Variants in ARHGEF1 observed in about 807,000 individuals in gnomAD.
ARHGEF1 encodes 115 kDa guanine nucleotide exchange factor.
A neutral mutation model predicts 119.7 loss-of-function variants in ARHGEF1; 40 were observed. That is an observed-to-expected ratio of 0.33 (90% CI 0.26 to 0.44). The LOEUF is 0.44. Ranked by LOEUF, ARHGEF1 falls within the 20% of genes least tolerant of loss-of-function variation. The pLI is 1.00. For synonymous variants in ARHGEF1, 494 were observed against 521.0 expected, an observed-to-expected ratio of 0.95 and a Z score of 0.71; for missense variants, 976 against 1,268.3, an observed-to-expected ratio of 0.77 and a Z score of 3.50.
intron 13 of ARHGEF1, chr19:41,896,775 A>G: frequency 2.2e-6 from 1 of 457,884 alleles, no homozygotes; most frequent in Non-Finnish European, 3.9e-6. Context: ...CACTCCTTCC[A>G]TCTCCTTTAT....
At chr19:41,909,244 C>T (rs2074738877), downstream of ARHGEF1, 1 of 1,232,056 alleles carries the variant, frequency 8.1e-7, no homozygotes, top group South Asian at 4.1e-5. This position sits in a 1 kb window ranked among gnomAD's most constrained non-coding sequence, Gnocchi z 5.2. Flanking sequence ...CACCAAGTGC[C>T]TCGGTTCCAG....
intron 13 of ARHGEF1, chr19:41,896,900 CCCTCTCTTCTCTCACCTCCCTCTT>C: frequency 2.9e-6 from 1 of 340,196 alleles, no homozygotes; most frequent in African/African-American, 3.3e-5. Context: ...CTCTCACCTC[CCCTCTCTTCTCTCACCTCCCTCTT>C]CCTCTCTCAC....
At position 41,892,984 on chromosome 19, in the gene ARHGEF1, C is replaced by T. The variant is rs2074402208; in HGVS notation, c.614+135C>T. 8.4e-6 allele frequency: 11 copies of T among 1,303,832 alleles called. No homozygotes were observed. The highest frequency in any genetic ancestry group is 1.5e-5 in the African/African-American group (1 of 66,968). The allele number at this position is 1,303,832 out of a possible 1,614,324, so 80.8% of individuals were successfully genotyped here. A position where few individuals can be genotyped will look rare whatever the true frequency, so the allele number is the denominator to read the frequency against. On this transcript the variant is annotated intron_variant, in intron 7 of 28. Coordinates refer to ENST00000354532, the MANE Select transcript of ARHGEF1 (RefSeq NM_004706.4). This position sits in a 1 kb window ranked among gnomAD's most constrained non-coding sequence, Gnocchi z 6.3. The stretch of plus-strand genomic sequence containing the variant: ...TTCATTTCTTGGCACTGGGGGTCTT[C>T]CTCTACCCTGGTGTTTTAACTCACC...
chr19:41,917,846 C>A lies in ARHGEF1; in HGVS notation c.1866-5246C>A, dbSNP rs1275055179. ...GCCATGGGACGGCTGCCAGCCCCAC[C>A]CATCTGTTGCCACACAAACGAGCCC... On this transcript the variant is annotated intron_variant, in intron 18 of 20. Coordinates refer to the ARHGEF1 transcript ENST00000599589. This position sits in a 1 kb window ranked among gnomAD's most constrained non-coding sequence, Gnocchi z 4.8. Among the ~76,000 whole-genome samples the A allele has an allele frequency of 2.6e-5, 4 of 151,924 alleles. No individual in the cohort carries two copies. The highest frequency in any genetic ancestry group is 9.7e-5 in the African/African-American group (4 of 41,304).
intron 1 of ARHGEF1, among the ~76,000 whole-genome samples, chr19:41,926,701 G>A (rs964481296): frequency 3.3e-5 from 5 of 150,692 alleles, no homozygotes; most frequent in Non-Finnish European, 6.0e-5. Context: ...TCTGGGCCGC[G>A]GCGGCCGGCC....
intron 14 of ARHGEF1, among the ~76,000 whole-genome samples, chr19:41,901,420 G>C (rs1273389381): frequency 6.6e-6 from 1 of 152,190 alleles, no homozygotes; most frequent in Non-Finnish European, 1.5e-5. Flanking sequence ...AAAATGCTGG[G>C]ATTATAGGCA....
downstream of ARHGEF1, chr19:41,908,426 G>T (rs2074731319): frequency 4.3e-5 from 53 of 1,231,208 alleles, no homozygotes; most frequent in Non-Finnish European, 5.4e-5. The surrounding 1 kb of genome is among the most constrained non-coding windows in gnomAD (Gnocchi z 6.7). Context: ...GGCCCGAGGG[G>T]CGCTCGGGGC....
At chr19:41,926,391 C>T (rs1441260752) in intron 1 of ARHGEF1, among the ~76,000 whole-genome samples, 2 of 152,060 alleles carry the variant, frequency 1.3e-5, no homozygotes, top group African/African-American at 4.8e-5. Context: ...CCTGGAAGTC[C>T]AGATTTGGGG....
At chr19:41,924,514 C>T (rs781833117) in intron 1 of ARHGEF1, among the ~76,000 whole-genome samples, 1 of 151,992 alleles carries the variant, frequency 6.6e-6, no homozygotes, top group Admixed American at 6.6e-5. Flanking sequence ...ATCACCATCA[C>T]CCTCACCTTT....
At chr19:41,920,059 C>T (rs2074830213), upstream of ARHGEF1, among the ~76,000 whole-genome samples, 1 of 129,878 alleles carries the variant, frequency 7.7e-6, no homozygotes, top group African/African-American at 3.0e-5. Flanking sequence ...ACATGACACA[C>T]CCAGATGTGA....
In ARHGEF1 at chr19:41,888,957, G is replaced by T; in HGVS notation, c.225+92G>T. 2 of 1,062,786 alleles carry T rather than the reference G, an allele frequency of 1.9e-6. No homozygotes were observed. Among genetic ancestry groups the T allele is most frequent in the Non-Finnish European group, 1.4e-6 (1 of 733,846 alleles). 65.8% of individuals were successfully genotyped at this position (1,062,786 alleles called of 1,614,324 possible). Reference sequence around the variant, plus strand: ...AAACCAGCGAGCTAGTGCCTGGAGGGTCTGGAAAAGCAGATCTAGAACACA... The same window carrying T: ...AAACCAGCGAGCTAGTGCCTGGAGGTTCTGGAAAAGCAGATCTAGAACACA... On this transcript the variant is annotated intron_variant, in intron 4 of 28. Transcript: ENST00000354532. The surrounding 1 kb of genome is among the most constrained non-coding windows in gnomAD (Gnocchi z 5.1).
upstream of ARHGEF1, among the ~76,000 whole-genome samples, chr19:41,919,412 T>C (rs985773601): frequency 2.6e-5 from 4 of 152,144 alleles, no homozygotes; most frequent in Non-Finnish European, 2.9e-5. Flanking sequence ...CAGTGCTCTT[T>C]AGGGCTGGAC....
In ARHGEF1 at chr19:41,903,037, C is replaced by A; in HGVS notation, c.1738+139C>A. The A allele has an allele frequency of 2.6e-6, 2 of 768,118 alleles. No individual in the cohort carries two copies. The highest frequency in any genetic ancestry group is 4.1e-6 in the Non-Finnish European group (2 of 489,110). The allele number at this position is 768,118 out of a possible 1,614,324, so 47.6% of individuals were successfully genotyped here. ...AGGATCTACCATCCTCCCACCTCAG[C>A]TCCCCAAGTAGCTGGGACCCCAAGG... On this transcript the variant is annotated intron_variant, in intron 18 of 28. Transcript: ENST00000354532. This position sits in a 1 kb window ranked among gnomAD's most constrained non-coding sequence, Gnocchi z 4.2.
chr19:41,904,296 C>A lies in ARHGEF1; in HGVS notation c.2074C>A (p.Arg692=). Residue 692 remains arginine (R), a synonymous_variant, in exon 22 of 29, where the codon CGG becomes AGG. Coordinates refer to ENST00000354532, the MANE Select transcript of ARHGEF1 (RefSeq NM_004706.4). This position sits in a 1 kb window ranked among gnomAD's most constrained non-coding sequence, Gnocchi z 8.4. ...DERLLLKSHS[R]TLTPTPDGKT... ...GCGGCTGCTGCTCAAGTCCCATAGC[C>A]GGACACTGACGCCCACGCCCGATGG... is the stretch of plus-strand genomic sequence containing the variant. The A allele has an allele frequency of 1.2e-6, 2 of 1,611,654 alleles. No homozygotes were observed. The highest frequency in any genetic ancestry group is 1.7e-6 in the Non-Finnish European group (2 of 1,179,636).
chr19:41,903,400 AC>A lies in ARHGEF1; in HGVS notation c.1834del (p.Leu612CysfsTer2), dbSNP rs1555849467. 3.7e-6 allele frequency: 6 copies of A among 1,613,774 alleles called. No individual in the cohort carries two copies. The Admixed American group carries it at 1.0e-4, about 27-fold the overall frequency. The part of the protein sequence containing the change: ...HVNQAVRDME[D>X]LLRLKDYQRR... ...AACCAAGCCGTGCGTGACATGGAGG[AC>A]CTGCTGGTGAGCCTGGGCTGGCCCC... On this transcript the variant is annotated frameshift_variant, in exon 19 of 29. Transcript: ENST00000354532. LOFTEE classifies it high-confidence loss of function. This position sits in a 1 kb window ranked among gnomAD's most constrained non-coding sequence, Gnocchi z 4.2.
chr19:41,910,757 CAT>C (rs1253796755), downstream of ARHGEF1, among the ~76,000 whole-genome samples: 1 of 152,168 alleles, frequency 6.6e-6, no homozygotes, highest in Non-Finnish European at 1.5e-5. The surrounding 1 kb of genome is among the most constrained non-coding windows in gnomAD (Gnocchi z 4.4). Flanking sequence ...CCACGGAAGA[CAT>C]GTCACACAGA....
At position 41,917,446 on chromosome 19, in the gene ARHGEF1, CACCACCAG is replaced by C. The variant is rs1163812316; in HGVS notation, c.1866-5645_1866-5638del. Among the ~76,000 whole-genome samples, 723 of 152,056 alleles carry C rather than the reference CACCACCAG, an allele frequency of 4.8e-3. 6 individuals are homozygous for C. The highest frequency in any genetic ancestry group is 9.1e-3 in the Non-Finnish European group (618 of 67,884). ...GGAGCCGCCTCGGGCCTCGCACCCCCACCACCAGCCCCTTCATCCCTCACCCAGGCCCC... is the reference window on the plus strand; with the variant it reads ...GGAGCCGCCTCGGGCCTCGCACCCCCCCCCTTCATCCCTCACCCAGGCCCC... On this transcript the variant is annotated intron_variant, in intron 18 of 20. Transcript: ENST00000599589. The surrounding 1 kb of genome is among the most constrained non-coding windows in gnomAD (Gnocchi z 4.8).
chr19:41,884,363 T>TCA, intron 1 of ARHGEF1: 1 of 1,481,178 alleles, frequency 6.8e-7, no homozygotes, highest in Non-Finnish European at 9.1e-7. Flanking sequence ...GCAGGAGGAG[T>TCA]GGAGCTGGGC....
chr19:41,902,955 T>C lies in ARHGEF1; in HGVS notation c.1738+57T>C. 2 of 1,416,792 alleles carry C rather than the reference T, an allele frequency of 1.4e-6. No homozygotes were observed. The highest frequency in any genetic ancestry group is 2.4e-5 in the East Asian group (1 of 41,340). 87.8% of individuals were successfully genotyped at this position (1,416,792 alleles called of 1,614,324 possible). On this transcript the variant is annotated intron_variant, in intron 18 of 28. Coordinates refer to ENST00000354532, the MANE Select transcript of ARHGEF1 (RefSeq NM_004706.4). This position sits in a 1 kb window ranked among gnomAD's most constrained non-coding sequence, Gnocchi z 6.5. Reference sequence around the variant, plus strand: ...TCTCCTCTTTTTTTTTTACATTTTTTTTCTCACTCATTTTCATCAGTGATA... The same window carrying C: ...TCTCCTCTTTTTTTTTTACATTTTTCTTCTCACTCATTTTCATCAGTGATA...
Sources: gnomAD v4.1 joint callset for allele counts (sites outside exome capture counted in the v4.1 genomes callset) on GRCh38, gnomAD v4.1.1 for gene constraint, Gnocchi (gnomAD v3.1) non-coding constraint, MANE v1.5 for transcripts, NCBI Gene and HGNC (gene_info 2026-07-23, HGNC 2026-07-21) for gene names.